Variants in DENND5A observed in about 807,000 individuals in gnomAD.
The protein encoded by DENND5A is DENN domain containing 5A.
DENND5A carries 64 observed loss-of-function variants against 140.3 expected under a neutral mutation model. That is an observed-to-expected ratio of 0.46 (90% CI 0.37 to 0.56). DENND5A has a LOEUF of 0.56. Ranked by LOEUF, DENND5A falls within the 20% of genes least tolerant of loss-of-function variation. The probability of loss-of-function intolerance (pLI) is 0.00; values close to 1 mark genes in which losing one functional copy is unlikely to be tolerated. For synonymous variants in DENND5A, 605 were observed against 607.7 expected (o/e 1.00, Z 0.07); for missense variants, 1,292 against 1,593.8 (o/e 0.81, Z 3.22).
intron 1 of DENND5A, among the ~76,000 whole-genome samples, chr11:9,260,383 G>T (rs953810114): frequency 6.6e-6 from 1 of 152,086 alleles, no homozygotes; most frequent in Non-Finnish European, 1.5e-5. Flanking sequence ...ACCTAGTGGT[G>T]ACCATCAGAA....
chr11:9,210,768 C>T (rs564277996), intron 1 of DENND5A, among the ~76,000 whole-genome samples: 59 of 152,298 alleles, frequency 3.9e-4, no homozygotes, highest in South Asian at 3.3e-3. Context: ...CCTGGGCTTA[C>T]GCAATCCTCT....
At chr11:9,159,317 T>C (rs1043900732) in intron 12 of DENND5A, among the ~76,000 whole-genome samples, 4 of 148,242 alleles carry the variant, frequency 2.7e-5, no homozygotes, top group African/African-American at 1.0e-4. Context: ...ATGAACTTTT[T>C]TTTCTTTTTT....
At chr11:9,207,668 A>G (rs1307971781) in intron 1 of DENND5A, 36 bp from the exon 2 acceptor site, 2 of 1,464,094 alleles carry the variant, frequency 1.4e-6, no homozygotes, top group Non-Finnish European at 1.9e-6. Context: ...TATTACAATA[A>G]AGCAGTGTTA....
intron 1 of DENND5A, 36 bp downstream of exon 1, chr11:9,264,925 G>A (rs1852376736): frequency 6.7e-7 from 1 of 1,489,732 alleles, no homozygotes; most frequent in Non-Finnish European, 9.1e-7. Context: ...ACGACAGCGG[G>A]CGCGGGAAAG....
chr11:9,244,966 C>T (rs114152999), intron 1 of DENND5A, among the ~76,000 whole-genome samples: 3,297 of 150,390 alleles, frequency 0.022, 110 homozygotes, highest in African/African-American at 0.072. Flanking sequence ...CGTGAGCCAC[C>T]GTGCTTGGCT....
intron 5 of DENND5A, among the ~76,000 whole-genome samples, chr11:9,192,160 G>C (rs1371216095): frequency 6.6e-6 from 1 of 152,180 alleles, no homozygotes; most frequent in Admixed American, 6.5e-5. Flanking sequence ...AGAGAGAAAA[G>C]AGCAGAGATG....
At position 9,165,978 on chromosome 11, in the gene DENND5A, CAG is replaced by C; in HGVS notation, c.2152-13_2152-12del. 1 of 1,613,822 alleles carries C rather than the reference CAG, an allele frequency of 6.2e-7. No individual in the cohort carries two copies. Among genetic ancestry groups the C allele is most frequent in the Non-Finnish European group, 8.5e-7 (1 of 1,179,830 alleles). On this transcript the variant is annotated splice_polypyrimidine_tract_variant and intron_variant, in intron 10 of 22. Coordinates refer to ENST00000328194, the MANE Select transcript of DENND5A (RefSeq NM_015213.4). ...TTCCTGGATGTACTTCTATATCAAA[CAG>C]AAAAATAAAGACCCTTTGTGTCCAT...
chr11:9,205,443 T>C (rs1048836380), intron 3 of DENND5A, among the ~76,000 whole-genome samples: 3 of 152,190 alleles, frequency 2.0e-5, no homozygotes, highest in African/African-American at 7.2e-5. Flanking sequence ...CATGTTAAAA[T>C]GAAATAAACG....
chr11:9,187,889 C>T (rs549524986), intron 5 of DENND5A, among the ~76,000 whole-genome samples: 74 of 152,292 alleles, frequency 4.9e-4, no homozygotes, highest in African/African-American at 1.6e-3. Context: ...TGCCCAAAGA[C>T]GGCAGTAACT....
rs1363901127 is a variant in DENND5A, at chr11:9,146,278, C to T, written c.2858-463G>A. On this transcript the variant is annotated intron_variant, in intron 16 of 22. Coordinates refer to ENST00000328194, the MANE Select transcript of DENND5A (RefSeq NM_015213.4). ...GGGTCTTCTAAATTCCAGTCCAGGG[C>T]TACTTCTATTAAGCCCACAGCCCTA... is the stretch of plus-strand genomic sequence containing the variant. Among the ~76,000 whole-genome samples, 5 of 152,150 alleles carry T rather than the reference C, an allele frequency of 3.3e-5. No homozygotes were observed. In the East Asian group the frequency reaches 9.6e-4, roughly 29 times the overall value.
At position 9,150,662 on chromosome 11, in the gene DENND5A, A is replaced by G; in HGVS notation, c.2606+18T>C. On this transcript the variant is annotated intron_variant, in intron 14 of 22. Transcript: ENST00000328194. ...AAACAGGATTTTAGTGGCTTATTACATGTGAGCCCATACTGACCTCATATC... is the reference window on the plus strand; with the variant it reads ...AAACAGGATTTTAGTGGCTTATTACGTGTGAGCCCATACTGACCTCATATC... The G allele has an allele frequency of 1.9e-6, 3 of 1,585,960 alleles. No homozygotes were observed. The highest frequency in any genetic ancestry group is 2.6e-6 in the Non-Finnish European group (3 of 1,160,366).
intron 22 of DENND5A, among the ~76,000 whole-genome samples, chr11:9,140,986 C>A (rs577803308): frequency 6.6e-6 from 1 of 152,060 alleles, no homozygotes; most frequent in Non-Finnish European, 1.5e-5. Context: ...ACTAGCCAGG[C>A]GTGATGGCGC....
chr11:9,151,699 T>C (rs1847620950), intron 13 of DENND5A, among the ~76,000 whole-genome samples: 1 of 152,174 alleles, frequency 6.6e-6, no homozygotes, highest in Non-Finnish European at 1.5e-5. Flanking sequence ...GAGACTAGCC[T>C]GGAAAGGACA....
At chr11:9,256,465 A>T (rs1851951355) in intron 1 of DENND5A, among the ~76,000 whole-genome samples, 1 of 152,214 alleles carries the variant, frequency 6.6e-6, no homozygotes, top group Non-Finnish European at 1.5e-5. Context: ...TGTCTCAGAA[A>T]AAAAAAAGAA....
Position 9,142,875 on chromosome 11 carries a change from G to T in DENND5A, c.3388-30C>A, listed in dbSNP as rs374951511. On this transcript the variant is annotated intron_variant, in intron 20 of 22. Coordinates refer to ENST00000328194, the MANE Select transcript of DENND5A (RefSeq NM_015213.4). ...GTAAGGAAACAGGGGAGGGTGCCAG[G>T]CTTGTCTCAGCCGAGCTGCCCTCCC... 330 of 1,610,662 alleles carry T rather than the reference G, an allele frequency of 2.0e-4. 1 individual carries two copies. Among genetic ancestry groups the T allele is most frequent in the South Asian group, 2.0e-3 (178 of 90,822 alleles).
intron 11 of DENND5A, among the ~76,000 whole-genome samples, chr11:9,161,303 G>A (rs1488001155): frequency 1.3e-5 from 2 of 151,934 alleles, no homozygotes; most frequent in Non-Finnish European, 2.9e-5. Context: ...AGCTGAGATC[G>A]CGCCACTGCA....
At chr11:9,231,730 A>AAAAAAAAAAAAAC in intron 1 of DENND5A, among the ~76,000 whole-genome samples, 1 of 149,466 alleles carries the variant, frequency 6.7e-6, no homozygotes, top group African/African-American at 2.4e-5. Context: ...AAAAAAAAAA[A>AAAAAAAAAAAAAC]AAGACTCTGG....
At chr11:9,164,190 C>T (rs1590222362) in intron 11 of DENND5A, among the ~76,000 whole-genome samples, 1 of 123,676 alleles carries the variant, frequency 8.1e-6, no homozygotes. Flanking sequence ...CACCACCACG[C>T]CTAATTTTTT....
intron 11 of DENND5A, among the ~76,000 whole-genome samples, chr11:9,163,109 A>G (rs1446645439): frequency 1.3e-5 from 2 of 152,176 alleles, no homozygotes; most frequent in African/African-American, 4.8e-5. Context: ...ACATGAATAC[A>G]CCACAATATA....
Sources: gnomAD v4.1 joint callset for allele counts (sites outside exome capture counted in the v4.1 genomes callset) on GRCh38, gnomAD v4.1.1 for gene constraint, MANE v1.5 for transcripts, NCBI Gene and HGNC (gene_info 2026-07-23, HGNC 2026-07-21) for gene names.